CNTNAP2: variants seen among roughly 807,000 people sequenced by gnomAD.
CNTNAP2 encodes contactin-associated protein-like 2.
In CNTNAP2, 98 loss-of-function variants were observed where a neutral mutation model predicts 155.2. The observed-to-expected ratio is 0.63, with a 90% confidence interval of 0.54 to 0.75. The LOEUF (loss-of-function observed/expected upper bound fraction) is 0.75, where lower values mean the gene tolerates loss of function less well. Among genes scored for constraint, CNTNAP2 ranks in the 30% least tolerant of loss-of-function variants. The pLI, the probability that CNTNAP2 is intolerant of heterozygous loss-of-function variation, is 0.00. For synonymous variants in CNTNAP2, 651 were observed against 631.2 expected, an observed-to-expected ratio of 1.03 and a Z score of -0.47; for missense variants, 1,727 against 1,688.1, an observed-to-expected ratio of 1.02 and a Z score of -0.40.
intron 19 of CNTNAP2, among the ~76,000 whole-genome samples, chr7:148,224,537 A>C (rs1795811230): frequency 6.6e-6 from 1 of 152,226 alleles, no homozygotes; most frequent in Non-Finnish European, 1.5e-5. Flanking sequence ...TGCAACCGCT[A>C]TTTGGAAAGT....
chr7:148,146,515 G>A (rs1040817897), intron 16 of CNTNAP2, among the ~76,000 whole-genome samples: 17 of 152,212 alleles, frequency 1.1e-4, no homozygotes, highest in African/African-American at 3.6e-4. Flanking sequence ...CAATTGTTGA[G>A]AGGTGACTAA....
intron 18 of CNTNAP2, among the ~76,000 whole-genome samples, chr7:148,207,945 G>A (rs1250503166): frequency 2.0e-5 from 3 of 152,108 alleles, no homozygotes; most frequent in East Asian, 3.9e-4. Context: ...AAAATTAGCC[G>A]GGTGTGGTGG....
intron 4 of CNTNAP2, among the ~76,000 whole-genome samples, chr7:147,093,478 T>G (rs970696259): frequency 1.3e-5 from 2 of 152,136 alleles, no homozygotes; most frequent in Non-Finnish European, 1.5e-5. Context: ...TTGATAGTAA[T>G]TATGTGCTAT....
intron 8 of CNTNAP2, among the ~76,000 whole-genome samples, chr7:147,196,900 T>G (rs576831705): frequency 6.6e-6 from 1 of 152,140 alleles, no homozygotes; most frequent in Non-Finnish European, 1.5e-5. Context: ...CACAGCTGAC[T>G]TCCTAATTAC....
intron 15 of CNTNAP2, among the ~76,000 whole-genome samples, chr7:148,038,566 T>C (rs1264525498): frequency 6.6e-6 from 1 of 152,192 alleles, no homozygotes; most frequent in Admixed American, 6.5e-5. Context: ...CCCCAAATGG[T>C]GAATCACTAG....
At chr7:146,643,976 G>T (rs1251242673) in intron 1 of CNTNAP2, among the ~76,000 whole-genome samples, 1 of 152,186 alleles carries the variant, frequency 6.6e-6, no homozygotes, top group Non-Finnish European at 1.5e-5. Context: ...TGTTATTGGT[G>T]TATAAGAAAG....
At chr7:146,771,512 C>T (rs1802292414) in intron 1 of CNTNAP2, among the ~76,000 whole-genome samples, 1 of 152,120 alleles carries the variant, frequency 6.6e-6, no homozygotes, top group Admixed American at 6.5e-5. Flanking sequence ...ATATGAAACC[C>T]ATTACTTTAG....
At chr7:146,787,729 A>T (rs1415488342) in intron 2 of CNTNAP2, among the ~76,000 whole-genome samples, 2 of 152,120 alleles carry the variant, frequency 1.3e-5, no homozygotes, top group Non-Finnish European at 1.5e-5. Context: ...CCCCACCCAC[A>T]TCCTGCTGAT....
At chr7:147,256,341 G>A (rs1219125401) in intron 8 of CNTNAP2, among the ~76,000 whole-genome samples, 1 of 152,038 alleles carries the variant, frequency 6.6e-6, no homozygotes, top group African/African-American at 2.4e-5. Flanking sequence ...GCCTACCGAA[G>A]GGGTGTTGAG....
At chr7:146,500,951 AT>A (rs1797291903) in intron 1 of CNTNAP2, among the ~76,000 whole-genome samples, 2 of 151,704 alleles carry the variant, frequency 1.3e-5, no homozygotes, top group Admixed American at 6.6e-5. Flanking sequence ...TTTTGCCAAA[AT>A]TTTTTTCAAT....
intron 2 of CNTNAP2, among the ~76,000 whole-genome samples, chr7:146,818,960 T>C (rs964821269): frequency 6.6e-6 from 1 of 152,084 alleles, no homozygotes; most frequent in Non-Finnish European, 1.5e-5. Context: ...TAATGATAAA[T>C]ATAATACAAA....
At chr7:147,377,604 C>A (rs1796458418) in intron 9 of CNTNAP2, among the ~76,000 whole-genome samples, 1 of 151,676 alleles carries the variant, frequency 6.6e-6, no homozygotes, top group Admixed American at 6.6e-5. Flanking sequence ...TCTATTTTTA[C>A]ATTTTTAATT....
At chr7:147,287,321 G>A (rs1172906111) in intron 8 of CNTNAP2, among the ~76,000 whole-genome samples, 1 of 152,030 alleles carries the variant, frequency 6.6e-6, no homozygotes, top group Non-Finnish European at 1.5e-5. Flanking sequence ...AGATATCATC[G>A]GGGTAATTAG....
At chr7:146,725,089 A>G (rs344462) in intron 1 of CNTNAP2, among the ~76,000 whole-genome samples, 150,009 of 152,040 alleles carry the variant, frequency 0.99, 74,005 homozygotes, top group East Asian at 1. Flanking sequence ...TCCTTCGTGG[A>G]CCTTCACTTG....
At chr7:146,159,703 A>G (rs964510250) in intron 1 of CNTNAP2, among the ~76,000 whole-genome samples, 4 of 152,214 alleles carry the variant, frequency 2.6e-5, no homozygotes, top group Non-Finnish European at 4.4e-5. Flanking sequence ...TCCTAAATAT[A>G]TATGCACCCA....
At chr7:148,070,784 A>G (rs929962983) in intron 15 of CNTNAP2, among the ~76,000 whole-genome samples, 22 of 152,322 alleles carry the variant, frequency 1.4e-4, no homozygotes, top group African/African-American at 4.8e-4. Context: ...TCTGACACCA[A>G]AATAATTTTT....
At chr7:146,210,895 A>G (rs960517202) in intron 1 of CNTNAP2, among the ~76,000 whole-genome samples, 1 of 151,142 alleles carries the variant, frequency 6.6e-6, no homozygotes, top group African/African-American at 2.4e-5. Context: ...TCATTTCCAC[A>G]CACTTTTGTT....
chr7:147,652,641 A>G (rs1227059334), intron 13 of CNTNAP2, among the ~76,000 whole-genome samples: 1 of 152,110 alleles, frequency 6.6e-6, no homozygotes, highest in African/African-American at 2.4e-5. Flanking sequence ...CCGTGCTGAG[A>G]GTCCAAACCA....
intron 20 of CNTNAP2, among the ~76,000 whole-genome samples, chr7:148,233,114 C>T (rs1369441915): frequency 1.3e-5 from 2 of 152,202 alleles, no homozygotes; most frequent in East Asian, 3.8e-4. Flanking sequence ...AAACAAGGTG[C>T]AGCCAGAGAG....
Sources: gnomAD v4.1 joint callset for allele counts (sites outside exome capture counted in the v4.1 genomes callset) on GRCh38, gnomAD v4.1.1 for gene constraint, MANE v1.5 for transcripts, NCBI Gene and HGNC (gene_info 2026-07-23, HGNC 2026-07-21) for gene names.